Variants in ABR observed in about 807,000 individuals in gnomAD.
The protein encoded by ABR is active breakpoint cluster region-related protein.
In ABR, 35 loss-of-function variants were observed where a neutral mutation model predicts 107.2. The ratio of observed to expected loss-of-function variants is 0.33; its 90% CI spans 0.25 to 0.43. The LOEUF (loss-of-function observed/expected upper bound fraction) is 0.43. Among genes scored for constraint, ABR ranks in the 20% least tolerant of loss-of-function variants. The pLI, the probability that ABR is intolerant of heterozygous loss-of-function variation, is 1.00. For missense variants in ABR, 815 were observed against 1,115.2 expected (o/e 0.73, Z 3.83); for synonymous variants, 498 against 462.0 (o/e 1.08, Z -1.00).
intron 1 of ABR, among the ~76,000 whole-genome samples, chr17:1,211,536 A>AT (rs1331387391): frequency 3.3e-5 from 5 of 152,076 alleles, no homozygotes; most frequent in African/African-American, 4.8e-5. Context: ...ATTCACCGTG[A>AT]TTTTTTTACC....
At chr17:1,089,810 A>G (rs143472743) in intron 4 of ABR, among the ~76,000 whole-genome samples, 1,575 of 152,218 alleles carry the variant, frequency 0.01, 9 homozygotes, top group Non-Finnish European at 0.016. Flanking sequence ...AAATACAAAA[A>G]TTAGCCGGGT....
chr17:1,028,927 A>G, intron 16 of ABR, among the ~76,000 whole-genome samples: 1 of 139,996 alleles, frequency 7.1e-6, no homozygotes, highest in African/African-American at 2.5e-5. Flanking sequence ...CCACAAGGGG[A>G]TGCTGCGGGG....
At chr17:1,093,789 T>C (rs1465101914) in intron 3 of ABR, among the ~76,000 whole-genome samples, 3 of 152,224 alleles carry the variant, frequency 2.0e-5, no homozygotes, top group Non-Finnish European at 4.4e-5. Context: ...TCTACTCAGA[T>C]ATATCGCCTC....
At position 1,133,597 on chromosome 17, in the gene ABR, C is replaced by A. The variant is rs533400495; in HGVS notation, c.62-8230G>T. On this transcript the variant is annotated intron_variant, in intron 1 of 22. Coordinates refer to ENST00000302538, the MANE Select transcript of ABR (RefSeq NM_021962.5). ...AATGTCTGAAAAAAGTAAAAACATA[C>A]GTGCATAGAAAAAAGACTGGAAGGC... is the stretch of plus-strand genomic sequence containing the variant. Among the ~76,000 whole-genome samples, 7 of 152,174 alleles carry A rather than the reference C, an allele frequency of 4.6e-5. No homozygotes were observed. The East Asian group carries it at 1.4e-3, about 29-fold the overall frequency.
Position 1,150,728 on chromosome 17 carries a change from A to G in ABR, c.62-25361T>C, listed in dbSNP as rs1049402437. Among the ~76,000 whole-genome samples, 20 of 152,048 alleles carry G rather than the reference A, an allele frequency of 1.3e-4. No individual in the cohort carries two copies. The highest frequency in any genetic ancestry group is 1.3e-3 in the Admixed American group (20 of 15,260). On this transcript the variant is annotated intron_variant, in intron 1 of 22. Transcript: ENST00000302538. The surrounding 1 kb of genome is among the most constrained non-coding windows in gnomAD (Gnocchi z 4.8). ...GGCTCTAAACCAGAGGCAACAGGGC[A>G]CCCCACCCACTGGGAACCACGCGAG...
At chr17:1,212,781 T>C (rs1347650924) in intron 1 of ABR, among the ~76,000 whole-genome samples, 1 of 151,762 alleles carries the variant, frequency 6.6e-6, no homozygotes, top group Non-Finnish European at 1.5e-5. Context: ...CTCAGCTACT[T>C]GGGAGGCTGA....
chr17:1,101,362 G>A (rs56018219), intron 2 of ABR: 1 of 152,284 alleles, frequency 6.6e-6, no homozygotes, highest in Non-Finnish European at 1.5e-5. Flanking sequence ...AAAACATGCA[G>A]AAATATAAAA....
At chr17:1,019,909 G>A (rs2071486573) in intron 16 of ABR, among the ~76,000 whole-genome samples, 1 of 152,182 alleles carries the variant, frequency 6.6e-6, no homozygotes, top group Non-Finnish European at 1.5e-5. Context: ...GCTCGTGAAG[G>A]GTCAGGCTGG....
chr17:1,018,234 G>A (rs962821001), intron 16 of ABR, among the ~76,000 whole-genome samples: 6 of 151,780 alleles, frequency 4.0e-5, no homozygotes, highest in East Asian at 3.9e-4. Flanking sequence ...AGTAGAGACG[G>A]GGTTTCACCG....
upstream of ABR, among the ~76,000 whole-genome samples, chr17:1,189,350 C>CTTTTT (rs202096936): frequency 7.3e-6 from 1 of 137,690 alleles, no homozygotes; most frequent in African/African-American, 2.7e-5. Flanking sequence ...CTATGGCTTC[C>CTTTTT]TTTTTTTTTT....
chr17:1,227,247 A>C (rs2043239280), intron 1 of ABR, among the ~76,000 whole-genome samples: 1 of 151,806 alleles, frequency 6.6e-6, no homozygotes, highest in African/African-American at 2.4e-5. Context: ...AATAAAAATC[A>C]CTCCCTGGGA....
chr17:1,213,049 C>T (rs1363145883), intron 1 of ABR, among the ~76,000 whole-genome samples: 3 of 152,200 alleles, frequency 2.0e-5, no homozygotes, highest in Non-Finnish European at 4.4e-5. Context: ...CAATCAGAGT[C>T]AACCCATCTA....
At chr17:1,171,220 G>A (rs947276288) in intron 1 of ABR, among the ~76,000 whole-genome samples, 3 of 152,266 alleles carry the variant, frequency 2.0e-5, no homozygotes, top group Admixed American at 1.3e-4. Flanking sequence ...TTAATTACAC[G>A]GCGTCTTTGG....
chr17:1,083,643 A>AG lies in ABR; in HGVS notation c.532-17dup. Reference sequence around the variant, plus strand: ...GCTGGCTGGCCTGCAGGGAGGAGTCAGGGAACAGAGGGAGAGGAGGGTGGG... The same window carrying AG: ...GCTGGCTGGCCTGCAGGGAGGAGTCAGGGGAACAGAGGGAGAGGAGGGTGGG... On this transcript the variant is annotated splice_polypyrimidine_tract_variant and intron_variant, in intron 4 of 22. Coordinates refer to ENST00000302538, the MANE Select transcript of ABR (RefSeq NM_021962.5). 1 of 1,446,722 alleles carries AG rather than the reference A, an allele frequency of 6.9e-7. No individual in the cohort carries two copies. The highest frequency in any genetic ancestry group is 9.6e-7 in the Non-Finnish European group (1 of 1,037,838). 89.6% of individuals were successfully genotyped at this position (1,446,722 alleles called of 1,614,324 possible). A position where few individuals can be genotyped will look rare whatever the true frequency, so the allele number is the denominator to read the frequency against.
chr17:1,134,457 G>C (rs936136889), intron 1 of ABR, among the ~76,000 whole-genome samples: 4 of 151,984 alleles, frequency 2.6e-5, no homozygotes, highest in African/African-American at 9.7e-5. Context: ...ATAAATAAAA[G>C]AACAGAGCCA....
chr17:1,109,319 C>G (rs1213469658), intron 2 of ABR, among the ~76,000 whole-genome samples: 1 of 151,844 alleles, frequency 6.6e-6, no homozygotes, highest in East Asian at 1.9e-4. Flanking sequence ...GTGCCCGGCC[C>G]GTGGCGGAGG....
At position 1,092,583 on chromosome 17, in the gene ABR, T is replaced by A. The variant is rs2037106814; in HGVS notation, c.346-733A>T. Among the ~76,000 whole-genome samples the A allele has an allele frequency of 6.6e-6, 1 of 152,138 alleles. No homozygotes were observed. The highest frequency in any genetic ancestry group is 1.5e-5 in the Non-Finnish European group (1 of 68,020). On this transcript the variant is annotated intron_variant, in intron 3 of 22. Transcript: ENST00000302538. The surrounding 1 kb of genome is among the most constrained non-coding windows in gnomAD (Gnocchi z 4.6). ...CCAACCCCCAGCACTGGCCGGGAGC[T>A]GATGCCATCACCTTCCAGCCTAGCA...
At chr17:1,109,122 C>A (rs946145843) in intron 2 of ABR, 665 of 1,131,418 alleles carry the variant, frequency 5.9e-4, no homozygotes, top group Non-Finnish European at 7.5e-4. Flanking sequence ...GCAGCGGCGG[C>A]GGGAGGAGGG....
chr17:1,190,527 A>G (rs1032399786), upstream of ABR, among the ~76,000 whole-genome samples: 4 of 152,192 alleles, frequency 2.6e-5, no homozygotes, highest in Non-Finnish European at 5.9e-5. Flanking sequence ...CCACCTACTC[A>G]GGAGACTGAG....
Sources: allele counts gnomAD v4.1 joint callset (sites outside exome capture counted in the v4.1 genomes callset), GRCh38; gene constraint gnomAD v4.1.1; non-coding constraint Gnocchi (gnomAD v3.1); transcripts MANE v1.5; gene names NCBI Gene and HGNC (gene_info 2026-07-23, HGNC 2026-07-21).